The following WDR86 variants were observed in gnomAD, a reference collection of about 807,000 sequenced individuals.
The protein encoded by WDR86 is WD repeat domain 86.
In WDR86, 30 loss-of-function variants were observed where a neutral mutation model predicts 36.5. The ratio of observed to expected loss-of-function variants is 0.82; its 90% CI spans 0.61 to 1.11. WDR86 has a LOEUF of 1.11. Ranked by LOEUF, WDR86 falls within the 50% of genes most tolerant of loss-of-function variation. The probability of loss-of-function intolerance (pLI) is 0.00; values close to 1 mark genes in which losing one functional copy is unlikely to be tolerated. For missense variants in WDR86, 545 were observed against 561.2 expected, an observed-to-expected ratio of 0.97 and a Z score of 0.29; for synonymous variants, 255 against 252.9, an observed-to-expected ratio of 1.01 and a Z score of -0.08.
chr7:151,402,047 C>CAAAAAAAAAAA (rs71198714), intron 1 of WDR86, among the ~76,000 whole-genome samples: 1 of 14,952 alleles, frequency 6.7e-5, no homozygotes, highest in Non-Finnish European at 1.1e-4. Flanking sequence ...AACTCTGCCT[C>CAAAAAAAAAAA]AAAAAAAAAA....
In WDR86 at chr7:151,409,497, C is replaced by T; in HGVS notation, c.93G>A (p.Leu31=). The T allele has an allele frequency of 6.5e-7, 1 of 1,533,802 alleles. No individual in the cohort carries two copies. The highest frequency in any genetic ancestry group is 8.7e-7 in the Non-Finnish European group (1 of 1,146,084). ...GGGCCGTGCCGTCCTCGCTGCCCGT[C>T]AGCAGGCGCTGCCCGTCGGGGCTCA... The part of the protein sequence containing the change: ...LSLSPDGQRL[L]TGSEDGTARL... Residue 31 remains leucine (L), a synonymous_variant, in exon 1 of 6, where the codon CTG becomes CTA. Transcript: ENST00000334493. The surrounding 1 kb of genome is among the most constrained non-coding windows in gnomAD (Gnocchi z 5.2).
chr7:151,396,506 A>T (rs1799832660), intron 2 of WDR86, among the ~76,000 whole-genome samples: 1 of 150,746 alleles, frequency 6.6e-6, no homozygotes, highest in African/African-American at 2.4e-5. Context: ...CGGGAAGGGG[A>T]TGGGGGAGGA....
chr7:151,393,120 T>A (rs1799555360), intron 3 of WDR86, among the ~76,000 whole-genome samples: 1 of 152,222 alleles, frequency 6.6e-6, no homozygotes, highest in African/African-American at 2.4e-5. Flanking sequence ...GGGTGCTCTC[T>A]CTTCATACCC....
In WDR86 at chr7:151,409,801, G is replaced by C. The variant is rs563483908; in HGVS notation, c.-212C>G. On this transcript the variant is annotated 5_prime_UTR_variant, in exon 1 of 6. Coordinates refer to ENST00000334493, the MANE Select transcript of WDR86 (RefSeq NM_198285.3). This position sits in a 1 kb window ranked among gnomAD's most constrained non-coding sequence, Gnocchi z 5.2. ...GGGCCCGCGAACCCAGGGCGCTGCG[G>C]GGGGCGGCCCACTCGGGACCTCCGC... is the stretch of plus-strand genomic sequence containing the variant. 1.8e-5 allele frequency: 23 copies of C among 1,265,204 alleles called. No homozygotes were observed. In the African/African-American group the frequency reaches 3.4e-4, roughly 19 times the overall value. The allele number at this position is 1,265,204 out of a possible 1,614,324, so 78.4% of individuals were successfully genotyped here. A position where few individuals can be genotyped will look rare whatever the true frequency, so the allele number is the denominator to read the frequency against.
At chr7:151,380,805 AG>A (rs1798513020), downstream of WDR86, among the ~76,000 whole-genome samples, 2 of 59,784 alleles carry the variant, frequency 3.3e-5, no homozygotes. Flanking sequence ...CTTCCACTCC[AG>A]GCCCTGAACG....
At chr7:151,392,085 G>A (rs990511454) in intron 3 of WDR86, among the ~76,000 whole-genome samples, 1 of 152,148 alleles carries the variant, frequency 6.6e-6, no homozygotes, top group Admixed American at 6.5e-5. Context: ...AGACGCTCAG[G>A]GCAGGGCAAG....
rs2150873837 is a variant in WDR86 at position 151,406,474 on chromosome 7, G to A, written c.163+2953C>T. On this transcript the variant is annotated intron_variant, in intron 1 of 5. Transcript: ENST00000334493. This position sits in a 1 kb window ranked among gnomAD's most constrained non-coding sequence, Gnocchi z 4.4. ...ACCGGCCAACCACAGGCTCTTGTGG[G>A]CCCAGAGCTGTGCAAGGGCCAGGAC... is the stretch of plus-strand genomic sequence containing the variant. Among the ~76,000 whole-genome samples the A allele has an allele frequency of 6.6e-6, 1 of 152,306 alleles. No individual in the cohort carries two copies. Among genetic ancestry groups the A allele is most frequent in the South Asian group, 2.1e-4 (1 of 4,826 alleles).
At position 151,406,140 on chromosome 7, in the gene WDR86, C is replaced by T. The variant is rs967705963; in HGVS notation, c.163+3287G>A. Among the ~76,000 whole-genome samples the T allele has an allele frequency of 6.6e-6, 1 of 152,172 alleles. No individual in the cohort carries two copies. The highest frequency in any genetic ancestry group is 1.5e-5 in the Non-Finnish European group (1 of 68,026). On this transcript the variant is annotated intron_variant, in intron 1 of 5. Transcript: ENST00000334493. The surrounding 1 kb of genome is among the most constrained non-coding windows in gnomAD (Gnocchi z 4.4). ...GAGCTCACCAACCGCATTTGAAAGG[C>T]AATTCCGTGTATGAACAAGTGAATG...
At chr7:151,380,786 C>T (rs1563039480), downstream of WDR86, among the ~76,000 whole-genome samples, 2 of 151,596 alleles carry the variant, frequency 1.3e-5, no homozygotes, top group Non-Finnish European at 3.0e-5. Flanking sequence ...CTGCCCGCCC[C>T]CACCCCTCCT....
Position 151,409,872 on chromosome 7 carries a change from A to G in WDR86, c.-283T>C. ...CGCGGGCAGAGAGAACCCCCTTCCC[A>G]GCACCGCTCGGAGGATCCACACCCC... On this transcript the variant is annotated 5_prime_UTR_variant, in exon 1 of 6. Coordinates refer to ENST00000334493, the MANE Select transcript of WDR86 (RefSeq NM_198285.3). The surrounding 1 kb of genome is among the most constrained non-coding windows in gnomAD (Gnocchi z 5.2). 1 of 1,177,632 alleles carries G rather than the reference A, an allele frequency of 8.5e-7. No individual in the cohort carries two copies. Among genetic ancestry groups the G allele is most frequent in the Non-Finnish European group, 1.0e-6 (1 of 953,710 alleles). 72.9% of individuals were successfully genotyped at this position (1,177,632 alleles called of 1,614,324 possible). A position where few individuals can be genotyped will look rare whatever the true frequency, so the allele number is the denominator to read the frequency against.
intron 1 of WDR86, among the ~76,000 whole-genome samples, chr7:151,402,955 C>T (rs1441350082): frequency 6.6e-6 from 1 of 152,176 alleles, no homozygotes; most frequent in East Asian, 1.9e-4. Flanking sequence ...GCCCCCAATA[C>T]CCATCAGGGA....
downstream of WDR86, among the ~76,000 whole-genome samples, chr7:151,379,251 G>C (rs1368901743): frequency 6.6e-6 from 1 of 152,214 alleles, no homozygotes; most frequent in Non-Finnish European, 1.5e-5. Flanking sequence ...TCACAGCGGG[G>C]AGGTTGGATG....
rs1801076893 is a variant in WDR86, at chr7:151,409,818, G to C, written c.-229C>G. The C allele has an allele frequency of 1.6e-6, 2 of 1,258,184 alleles. No homozygotes were observed. Among genetic ancestry groups the C allele is most frequent in the Middle Eastern group, 3.0e-4 (1 of 3,312 alleles). The allele number at this position is 1,258,184 out of a possible 1,614,324, so 77.9% of individuals were successfully genotyped here. A position where few individuals can be genotyped will look rare whatever the true frequency, so the allele number is the denominator to read the frequency against. ...GCGCTGCGGGGGGCGGCCCACTCGG[G>C]ACCTCCGCCCTGGGTAGAGTCCTGG... On this transcript the variant is annotated 5_prime_UTR_variant, in exon 1 of 6. Transcript: ENST00000334493. The surrounding 1 kb of genome is among the most constrained non-coding windows in gnomAD (Gnocchi z 5.2).
intron 3 of WDR86, among the ~76,000 whole-genome samples, chr7:151,391,511 A>G (rs956175891): frequency 6.6e-6 from 1 of 152,148 alleles, no homozygotes; most frequent in African/African-American, 2.4e-5. Flanking sequence ...CCCCACACGC[A>G]GCTGGGTGAG....
At position 151,395,633 on chromosome 7, in the gene WDR86, C is replaced by T. The variant is rs73474458; in HGVS notation, c.726+143G>A. ...TATCTTGGATTCCCAGCCCCAGGAC[C>T]GCAAGGCCTCCGTGGCGCTTGCCAG... On this transcript the variant is annotated intron_variant, in intron 3 of 5. Transcript: ENST00000334493. 365 of 1,022,016 alleles carry T rather than the reference C, an allele frequency of 3.6e-4. 1 individual carries two copies. The Middle Eastern group carries it at 7.8e-3, about 22-fold the overall frequency. The allele number at this position is 1,022,016 out of a possible 1,614,324, so 63.3% of individuals were successfully genotyped here.
In WDR86 at chr7:151,381,809, G is replaced by T; in HGVS notation, c.967-63C>A. On this transcript the variant is annotated intron_variant, in intron 5 of 5. Transcript: ENST00000334493. This position sits in a 1 kb window ranked among gnomAD's most constrained non-coding sequence, Gnocchi z 4.8. ...AGGCGGGGGGGACACCGCTGCCCGCGTGGATGGATCGGGGCGGGGCACCTT... is the reference window on the plus strand; with the variant it reads ...AGGCGGGGGGGACACCGCTGCCCGCTTGGATGGATCGGGGCGGGGCACCTT... 1.3e-6 allele frequency: 2 copies of T among 1,505,604 alleles called. No individual in the cohort carries two copies. Among genetic ancestry groups the T allele is most frequent in the Non-Finnish European group, 1.8e-6 (2 of 1,117,360 alleles). 93.3% of individuals were successfully genotyped at this position (1,505,604 alleles called of 1,614,324 possible).
At position 151,401,608 on chromosome 7, in the gene WDR86, G is replaced by T. The variant is rs10231784; in HGVS notation, c.164-1367C>A. ...TCCTTACACTGGGGAGAGATACTGT[G>T]GTAGGCAGAATGACGGCCCCAAGAC... On this transcript the variant is annotated intron_variant, in intron 1 of 5. Coordinates refer to ENST00000334493, the MANE Select transcript of WDR86 (RefSeq NM_198285.3). The surrounding 1 kb of genome is among the most constrained non-coding windows in gnomAD (Gnocchi z 4.3). 0.046 allele frequency among the ~76,000 whole-genome samples: 7,000 copies of T among 152,238 alleles called. 550 individuals carry two copies. Among genetic ancestry groups the T allele is most frequent in the African/African-American group, 0.16 (6,640 of 41,500 alleles).
downstream of WDR86, among the ~76,000 whole-genome samples, chr7:151,379,959 G>C (rs1003201283): frequency 6.6e-6 from 1 of 152,210 alleles, no homozygotes; most frequent in Non-Finnish European, 1.5e-5. Context: ...CTGCGCCACC[G>C]GAACCGTCCC....
chr7:151,381,675 TCGGAGCCCG>T lies in WDR86; in HGVS notation c.1029_1037del (p.Leu345_Gly347del). ...TGGGCGGAGGGGGCCGCGGGGCACC[TCGGAGCCCG>T]CGCACGTCCCAGAGGCGCAGGGCGC... On this transcript the variant is annotated inframe_deletion, in exon 6 of 6. Transcript: ENST00000334493. This position sits in a 1 kb window ranked among gnomAD's most constrained non-coding sequence, Gnocchi z 4.8. 7.0e-7 allele frequency: 1 copy of T among 1,427,024 alleles called. No individual in the cohort carries two copies. The highest frequency in any genetic ancestry group is 9.1e-7 in the Non-Finnish European group (1 of 1,100,690). The allele number at this position is 1,427,024 out of a possible 1,614,324, so 88.4% of individuals were successfully genotyped here.
Sources: allele counts gnomAD v4.1 joint callset (sites outside exome capture counted in the v4.1 genomes callset), GRCh38; gene constraint gnomAD v4.1.1; non-coding constraint Gnocchi (gnomAD v3.1); transcripts MANE v1.5; gene names NCBI Gene and HGNC (gene_info 2026-07-23, HGNC 2026-07-21).